Variants in ATRNL1 observed in about 807,000 individuals in gnomAD.
ATRNL1 encodes attractin-like protein 1.
A neutral mutation model predicts 182.7 loss-of-function variants in ATRNL1; 95 were observed. The ratio of observed to expected loss-of-function variants is 0.52; its 90% CI spans 0.44 to 0.62. The LOEUF is 0.62. Among genes scored for constraint, ATRNL1 ranks in the 20% least tolerant of loss-of-function variants. ATRNL1 has a pLI of 0.00. For synonymous variants in ATRNL1, 576 were observed against 568.3 expected (o/e 1.01, Z -0.19); for missense variants, 1,471 against 1,679.5 (o/e 0.88, Z 2.17).
intron 26 of ATRNL1, among the ~76,000 whole-genome samples, chr10:115,583,357 C>T (rs1299831845): frequency 3.7e-5 from 4 of 109,458 alleles, no homozygotes; most frequent in East Asian, 1.5e-3. Flanking sequence ...GCCATTTTCA[C>T]GATATTGATT....
At chr10:115,900,533 A>T (rs1414782738) in intron 28 of ATRNL1, among the ~76,000 whole-genome samples, 1 of 152,260 alleles carries the variant, frequency 6.6e-6, no homozygotes, top group African/African-American at 2.4e-5. Context: ...AGTGCTTATG[A>T]TGTGCCAGAT....
intron 26 of ATRNL1, among the ~76,000 whole-genome samples, chr10:115,635,545 G>A (rs541287076): frequency 6.6e-6 from 1 of 152,182 alleles, no homozygotes; most frequent in East Asian, 1.9e-4. Flanking sequence ...GTGTAAATTG[G>A]TACAACTCTT....
chr10:115,536,185 TTTTG>T (rs1270150073), intron 25 of ATRNL1, among the ~76,000 whole-genome samples: 1 of 152,144 alleles, frequency 6.6e-6, no homozygotes, highest in Non-Finnish European at 1.5e-5. Flanking sequence ...ACTGCTGTGT[TTTTG>T]TTTGTCTGTG....
chr10:115,369,968 G>A (rs897832191), intron 19 of ATRNL1, among the ~76,000 whole-genome samples: 2 of 152,178 alleles, frequency 1.3e-5, no homozygotes, highest in Non-Finnish European at 2.9e-5. Context: ...CAGGTGTTGT[G>A]GGAGGGATCT....
At chr10:115,721,244 A>T (rs1332293834) in intron 26 of ATRNL1, among the ~76,000 whole-genome samples, 1 of 152,184 alleles carries the variant, frequency 6.6e-6, no homozygotes, top group Non-Finnish European at 1.5e-5. Flanking sequence ...TCATTTGTTG[A>T]CATAATTTAA....
chr10:115,726,532 T>G (rs1427362628), intron 26 of ATRNL1, among the ~76,000 whole-genome samples: 1 of 152,214 alleles, frequency 6.6e-6, no homozygotes, highest in Non-Finnish European at 1.5e-5. Flanking sequence ...GCTTAGTAGT[T>G]GGTTGGGACT....
chr10:115,792,696 TAA>T (rs559353503), intron 27 of ATRNL1, among the ~76,000 whole-genome samples: 282 of 152,166 alleles, frequency 1.9e-3, no homozygotes, highest in South Asian at 5.6e-3. Flanking sequence ...GAAAAAAATA[TAA>T]GTTTTTCTTT....
intron 8 of ATRNL1, among the ~76,000 whole-genome samples, chr10:115,172,420 T>C (rs1262418090): frequency 6.6e-6 from 1 of 151,978 alleles, no homozygotes; most frequent in Non-Finnish European, 1.5e-5. Flanking sequence ...TGTCACTGTG[T>C]CCAGAATACA....
chr10:115,479,411 G>C (rs1460899678), intron 24 of ATRNL1, among the ~76,000 whole-genome samples: 1 of 151,518 alleles, frequency 6.6e-6, no homozygotes, highest in Non-Finnish European at 1.5e-5. Flanking sequence ...TAGCCATTGA[G>C]ATCCTCTGCC....
intron 24 of ATRNL1, among the ~76,000 whole-genome samples, chr10:115,505,408 A>T (rs955351657): frequency 2.6e-5 from 4 of 152,134 alleles, no homozygotes; most frequent in African/African-American, 9.7e-5. Flanking sequence ...TATTTTAGTT[A>T]AAAAAATCAG....
At chr10:115,831,094 A>G (rs560747437) in intron 27 of ATRNL1, among the ~76,000 whole-genome samples, 2 of 152,236 alleles carry the variant, frequency 1.3e-5, no homozygotes, top group South Asian at 4.2e-4. Flanking sequence ...GCAATTTCCT[A>G]AGATAAATGC....
intron 28 of ATRNL1, among the ~76,000 whole-genome samples, chr10:115,943,727 G>A (rs782237413): frequency 3.3e-5 from 5 of 151,800 alleles, no homozygotes; most frequent in African/African-American, 9.7e-5. Context: ...GCACACAGAT[G>A]TTTTTAACAG....
chr10:115,234,063 A>C (rs1297611823), intron 9 of ATRNL1, among the ~76,000 whole-genome samples: 1 of 151,816 alleles, frequency 6.6e-6, no homozygotes, highest in Non-Finnish European at 1.5e-5. Flanking sequence ...TATTGGAATT[A>C]TTTTTCCTAT....
At chr10:115,520,138 A>C (rs1850848974) in intron 25 of ATRNL1, among the ~76,000 whole-genome samples, 1 of 152,160 alleles carries the variant, frequency 6.6e-6, no homozygotes, top group Non-Finnish European at 1.5e-5. Context: ...GCCCCACATC[A>C]TGGCACACAA....
intron 26 of ATRNL1, 147 bp from the exon 27 acceptor site, chr10:115,727,101 T>A: frequency 1.6e-6 from 1 of 613,678 alleles, no homozygotes; most frequent in South Asian, 2.0e-5. Context: ...GAAAGTAATT[T>A]TCATCTTTAG....
intron 27 of ATRNL1, among the ~76,000 whole-genome samples, chr10:115,735,871 G>C (rs1391608646): frequency 1.3e-5 from 2 of 152,274 alleles, no homozygotes; most frequent in East Asian, 3.9e-4. Flanking sequence ...TGAAACCATG[G>C]AAAGTGAACC....
intron 8 of ATRNL1, among the ~76,000 whole-genome samples, chr10:115,212,996 A>G (rs1554895370): frequency 2.0e-5 from 3 of 152,218 alleles, no homozygotes; most frequent in African/African-American, 2.4e-5. Context: ...CAAAACTTAT[A>G]ATAAAAGTTA....
intron 10 of ATRNL1, among the ~76,000 whole-genome samples, chr10:115,254,717 A>G (rs182341169): frequency 2.4e-4 from 37 of 152,270 alleles, no homozygotes; most frequent in African/African-American, 7.5e-4. Flanking sequence ...GCCCATGCCT[A>G]TGTCCTGAAT....
At chr10:115,364,768 T>C (rs1346865666) in intron 19 of ATRNL1, among the ~76,000 whole-genome samples, 1 of 151,912 alleles carries the variant, frequency 6.6e-6, no homozygotes, top group Non-Finnish European at 1.5e-5. Flanking sequence ...TCTGCATCTA[T>C]TGAGATAATA....
Sources: gnomAD v4.1 joint callset for allele counts (sites outside exome capture counted in the v4.1 genomes callset) on GRCh38, gnomAD v4.1.1 for gene constraint, MANE v1.5 for transcripts, NCBI Gene and HGNC (gene_info 2026-07-23, HGNC 2026-07-21) for gene names.